Variants in CEP128 observed in about 807,000 individuals in gnomAD.
The protein encoded by CEP128 is centrosomal protein 128.
A neutral mutation model predicts 156.7 loss-of-function variants in CEP128; 132 were observed. That is an observed-to-expected ratio of 0.84 (90% CI 0.73 to 0.97). The LOEUF is 0.97. Ranked by LOEUF, CEP128 falls within the 50% of genes least tolerant of loss-of-function variation. The probability of loss-of-function intolerance (pLI) is 0.00; values close to 1 mark genes in which losing one functional copy is unlikely to be tolerated. For synonymous variants in CEP128, 469 were observed against 448.9 expected (o/e 1.04, Z -0.57); for missense variants, 1,252 against 1,281.9 (o/e 0.98, Z 0.36).
chr14:80,746,449 T>C (rs905901918), intron 18 of CEP128, among the ~76,000 whole-genome samples: 2 of 152,132 alleles, frequency 1.3e-5, no homozygotes, highest in African/African-American at 2.4e-5. Flanking sequence ...TAAATGTCAA[T>C]TGATTTTCAA....
chr14:80,667,016 A>AGCAAACATCTGCATGAAC (rs1426459330), intron 19 of CEP128, among the ~76,000 whole-genome samples: 1 of 152,220 alleles, frequency 6.6e-6, no homozygotes, highest in Non-Finnish European at 1.5e-5. Flanking sequence ...CCCCAAACAA[A>AGCAAACATCTGCATGAAC]GCAAACATCT....
chr14:80,672,794 T>G (rs1400010397), intron 19 of CEP128, among the ~76,000 whole-genome samples: 2 of 152,174 alleles, frequency 1.3e-5, no homozygotes, highest in Non-Finnish European at 2.9e-5. Context: ...AAAACTACTA[T>G]AGCATCTGGG....
At chr14:80,688,178 T>C (rs1200871727) in intron 19 of CEP128, among the ~76,000 whole-genome samples, 9 of 152,102 alleles carry the variant, frequency 5.9e-5, no homozygotes, top group Non-Finnish European at 1.2e-4. Flanking sequence ...AAACTCTATG[T>C]AGGATAGAAA....
chr14:80,828,123 CT>C (rs1008856396), intron 13 of CEP128, among the ~76,000 whole-genome samples: 16,145 of 126,662 alleles, frequency 0.13, 624 homozygotes, highest in South Asian at 0.25. Flanking sequence ...CTTCTTTTTT[CT>C]TTTTTTTTTT....
intron 19 of CEP128, among the ~76,000 whole-genome samples, chr14:80,644,311 C>A (rs935241042): frequency 5.9e-5 from 9 of 152,132 alleles, no homozygotes; most frequent in Non-Finnish European, 1.2e-4. Flanking sequence ...TGTTTCTTTG[C>A]TAATTAGGCA....
intron 9 of CEP128, among the ~76,000 whole-genome samples, chr14:80,850,547 C>T (rs527412317): frequency 7.2e-5 from 11 of 152,172 alleles, no homozygotes; most frequent in Non-Finnish European, 1.3e-4. Flanking sequence ...CAGAAAAACA[C>T]GAAGAAAAGG....
At chr14:80,941,821 A>G (rs6574615), upstream of CEP128, 30,295 of 152,526 alleles carry the variant, frequency 0.2, 3,226 homozygotes, top group Middle Eastern at 0.31. Context: ...CGGCCTCATG[A>G]TCAAGGAATT....
chr14:80,809,732 G>A (rs569392960), intron 13 of CEP128, among the ~76,000 whole-genome samples: 4 of 151,630 alleles, frequency 2.6e-5, no homozygotes, highest in Non-Finnish European at 5.9e-5. Context: ...CAAAAGCAGG[G>A]GAAAAAGCAT....
At chr14:80,826,949 G>A (rs1328639589) in intron 13 of CEP128, among the ~76,000 whole-genome samples, 3 of 152,142 alleles carry the variant, frequency 2.0e-5, no homozygotes, top group African/African-American at 7.2e-5. Flanking sequence ...TACAAGAAGG[G>A]AAAAGTGTAC....
intron 7 of CEP128, among the ~76,000 whole-genome samples, chr14:80,898,399 C>T (rs926698087): frequency 6.6e-6 from 1 of 152,176 alleles, no homozygotes; most frequent in African/African-American, 2.4e-5. Flanking sequence ...AACCTAACTC[C>T]TATTTTGGGT....
intron 19 of CEP128, among the ~76,000 whole-genome samples, chr14:80,617,324 G>A (rs891502211): frequency 2.4e-5 from 3 of 127,072 alleles, no homozygotes; most frequent in East Asian, 2.7e-4. Context: ...TCCACCTCCC[G>A]GGTTCACGCC....
chr14:80,831,975 A>T (rs904604445), intron 12 of CEP128, among the ~76,000 whole-genome samples: 1 of 152,124 alleles, frequency 6.6e-6, no homozygotes, highest in African/African-American at 2.4e-5. Flanking sequence ...TAATTCCCAC[A>T]TGTTGTGGGA....
At chr14:80,519,345 T>C (rs1326754151) in intron 23 of CEP128, among the ~76,000 whole-genome samples, 1 of 152,246 alleles carries the variant, frequency 6.6e-6, no homozygotes, top group African/African-American at 2.4e-5. Flanking sequence ...AGCTGATCTC[T>C]AATGATGAAT....
In CEP128 at chr14:80,792,970, A is replaced by T; in HGVS notation, c.1350T>A (p.His450Gln). ...CAGCCTGCTTGGTTGCATCCTCCGC[A>T]TGGCGAGTCAGCTCTGAGATCTGAA... ...ADLQISELTR[H>Q]AEDATKQAER... The change falls in exon 14 of 25, where the codon CAT becomes CAA. Residue 450 changes from histidine (H) to glutamine (Q), a missense_variant. By Grantham distance (24) the His-to-Gln change is conservative (BLOSUM62 0). Coordinates refer to ENST00000555265, the MANE Select transcript of CEP128 (RefSeq NM_152446.5). 2.5e-6 allele frequency: 4 copies of T among 1,614,186 alleles called. No individual in the cohort carries two copies. The highest frequency in any genetic ancestry group is 2.5e-6 in the Non-Finnish European group (3 of 1,180,028).
At chr14:80,744,247 G>T (rs1898982812) in intron 18 of CEP128, among the ~76,000 whole-genome samples, 1 of 152,036 alleles carries the variant, frequency 6.6e-6, no homozygotes, top group Non-Finnish European at 1.5e-5. Flanking sequence ...CTTCAATACA[G>T]CAGGATTTCA....
rs1884128371 is a variant in CEP128 at position 80,910,221 on chromosome 14, A to C, written c.234+4101T>G. On this transcript the variant is annotated intron_variant, in intron 4 of 24. Coordinates refer to ENST00000555265, the MANE Select transcript of CEP128 (RefSeq NM_152446.5). ...TCTGTTCTTTTGATATTAGACTGAA[A>C]CAATGGAAACTACTGTGCACCAGTA... Among the ~76,000 whole-genome samples the C allele has an allele frequency of 2.0e-5, 3 of 152,238 alleles. No homozygotes were observed. In the South Asian group the frequency reaches 6.2e-4, roughly 31 times the overall value.
At chr14:80,478,137 T>C (rs112166405) in exon 15 of CEP128, 2 of 152,140 alleles carry the variant, frequency 1.3e-5, no homozygotes, top group Non-Finnish European at 2.9e-5. Context: ...GTGTATACCC[T>C]GTATTTGATA....
intron 1 of CEP128, among the ~76,000 whole-genome samples, chr14:80,958,981 G>A (rs1028734045): frequency 1.3e-5 from 2 of 152,164 alleles, no homozygotes; most frequent in Non-Finnish European, 2.9e-5. Flanking sequence ...TACAAATTAT[G>A]ATGGTGCCGA....
At chr14:80,498,871 GT>G (rs1887611879) in intron 24 of CEP128, among the ~76,000 whole-genome samples, 1 of 152,194 alleles carries the variant, frequency 6.6e-6, no homozygotes. Context: ...CTGAATATAG[GT>G]GAGGGATTTT....
Sources: gnomAD v4.1 joint callset for allele counts (sites outside exome capture counted in the v4.1 genomes callset) on GRCh38, gnomAD v4.1.1 for gene constraint, MANE v1.5 for transcripts, NCBI Gene and HGNC (gene_info 2026-07-23, HGNC 2026-07-21) for gene names.